The following SRGAP1 variants were observed in gnomAD, a reference collection of about 807,000 sequenced individuals.
The protein encoded by SRGAP1 is SLIT-ROBO Rho GTPase-activating protein 1.
Under a neutral mutation model 121.9 loss-of-function variants are expected in SRGAP1, and 43 were observed. The observed-to-expected ratio is 0.35, with a 90% CI of 0.28 to 0.46. The LOEUF (loss-of-function observed/expected upper bound fraction) is 0.46, where lower values mean the gene tolerates loss of function less well. Ranked by LOEUF, SRGAP1 falls within the 20% of genes least tolerant of loss-of-function variation. The probability of loss-of-function intolerance (pLI) is 1.00; values close to 1 mark genes in which losing one functional copy is unlikely to be tolerated. For missense variants in SRGAP1, 1,102 were observed against 1,350.9 expected, an observed-to-expected ratio of 0.82 and a Z score of 2.89; for synonymous variants, 447 against 485.4, an observed-to-expected ratio of 0.92 and a Z score of 1.04.
At chr12:64,127,525 T>C (rs1392790656) in intron 19 of SRGAP1, 65 bp from the exon 20 acceptor site, 9 of 1,506,862 alleles carry the variant, frequency 6.0e-6, no homozygotes, top group Non-Finnish European at 8.1e-6. Flanking sequence ...TCTCCACTCA[T>C]CTAGCAAATT....
At position 64,157,918 on chromosome 12, in the gene SRGAP1, C is replaced by T. The variant is rs561822266; in HGVS notation, c.*15246C>T. The T allele has an allele frequency of 6.6e-6, 1 of 152,166 alleles. No individual in the cohort carries two copies. Among genetic ancestry groups the T allele is most frequent in the Non-Finnish European group, 1.5e-5 (1 of 68,086 alleles). 9.4% of individuals were successfully genotyped at this position (152,166 alleles called of 1,614,324 possible). A position where few individuals can be genotyped will look rare whatever the true frequency, so the allele number is the denominator to read the frequency against. ...CCTTCCATTTTTTTTGTTGCTGCCA[C>T]CTTAGTACGTGGCCACCATGAAGAG... On this transcript the variant is annotated 3_prime_UTR_variant, in exon 22 of 22. Coordinates refer to ENST00000355086, the MANE Select transcript of SRGAP1 (RefSeq NM_020762.4).
chr12:63,850,504 C>T (rs1384094128), intron 1 of SRGAP1, among the ~76,000 whole-genome samples: 1 of 151,360 alleles, frequency 6.6e-6, no homozygotes, highest in African/African-American at 2.4e-5. Flanking sequence ...GAACAAGGCT[C>T]ACTGCAGCCT....
intron 1 of SRGAP1, among the ~76,000 whole-genome samples, chr12:63,974,047 G>A (rs1318553852): frequency 6.6e-6 from 1 of 152,034 alleles, no homozygotes; most frequent in African/African-American, 2.4e-5. Context: ...TACTAATAAG[G>A]TCTGAAATGT....
intron 2 of SRGAP1, among the ~76,000 whole-genome samples, chr12:63,987,773 G>T (rs1593008450): frequency 6.6e-6 from 1 of 152,080 alleles, no homozygotes; most frequent in East Asian, 1.9e-4. Flanking sequence ...TGCCTCAAAT[G>T]GTAGTAATAA....
chr12:64,104,917 A>T (rs969486910), intron 15 of SRGAP1, among the ~76,000 whole-genome samples: 22 of 149,594 alleles, frequency 1.5e-4, no homozygotes, highest in African/African-American at 4.0e-4. Flanking sequence ...ATATATAAAA[A>T]ATATAAAATT....
At chr12:63,980,358 G>T (rs2136403647) in intron 1 of SRGAP1, among the ~76,000 whole-genome samples, 1 of 152,252 alleles carries the variant, frequency 6.6e-6, no homozygotes, top group East Asian at 1.9e-4. Flanking sequence ...ATGGCCCTTT[G>T]ATCTGTTCCG....
chr12:63,910,014 A>C (rs2030416932), intron 1 of SRGAP1, among the ~76,000 whole-genome samples: 1 of 152,252 alleles, frequency 6.6e-6, no homozygotes, highest in Non-Finnish European at 1.5e-5. Flanking sequence ...AGCAACATCT[A>C]AATTAGTGTC....
chr12:63,922,465 T>G (rs565555325), intron 1 of SRGAP1, among the ~76,000 whole-genome samples: 182 of 152,270 alleles, frequency 1.2e-3, no homozygotes, highest in African/African-American at 4.1e-3. Flanking sequence ...GTCAATGAAG[T>G]TTCTCTTTAC....
At chr12:63,891,376 C>G (rs566460260) in intron 1 of SRGAP1, among the ~76,000 whole-genome samples, 41 of 152,318 alleles carry the variant, frequency 2.7e-4, no homozygotes. Flanking sequence ...CCTACCATCT[C>G]CACACCATGC....
chr12:64,032,267 A>C (rs1335062779), intron 4 of SRGAP1: 1 of 269,622 alleles, frequency 3.7e-6, no homozygotes, highest in Admixed American at 5.1e-5. Context: ...GCTCCTTCCC[A>C]CTGCAAAGGG....
intron 3 of SRGAP1, among the ~76,000 whole-genome samples, chr12:64,013,972 C>G (rs74576316): frequency 0.026 from 3,970 of 152,226 alleles, 178 homozygotes; most frequent in African/African-American, 0.091. Flanking sequence ...CAAGAAAGGA[C>G]AAGGTGATGT....
intron 1 of SRGAP1, among the ~76,000 whole-genome samples, chr12:63,956,404 G>C (rs912875471): frequency 1.6e-4 from 24 of 152,158 alleles, no homozygotes; most frequent in African/African-American, 5.3e-4. Context: ...ATAGGCACTA[G>C]GTAGAATGTC....
chr12:63,990,720 T>C (rs2136419037), intron 3 of SRGAP1, among the ~76,000 whole-genome samples: 1 of 152,324 alleles, frequency 6.6e-6, no homozygotes, highest in African/African-American at 2.4e-5. Context: ...GGACTACCTG[T>C]ACTCATGAAA....
chr12:64,017,998 ATATTT>A (rs1370030893), intron 4 of SRGAP1, among the ~76,000 whole-genome samples: 4 of 152,178 alleles, frequency 2.6e-5, no homozygotes, highest in South Asian at 2.1e-4. Context: ...CTTTTGGGGG[ATATTT>A]TATTTTAAGA....
intron 12 of SRGAP1, 53 bp from the exon 13 acceptor site, chr12:64,094,879 G>C: frequency 6.8e-7 from 1 of 1,475,548 alleles, no homozygotes; most frequent in South Asian, 1.2e-5. Flanking sequence ...TTATTATTAT[G>C]AGGCATTTAT....
intron 3 of SRGAP1, among the ~76,000 whole-genome samples, chr12:64,007,388 G>C (rs989160920): frequency 5.3e-5 from 8 of 152,118 alleles, no homozygotes; most frequent in Non-Finnish European, 1.5e-5. Flanking sequence ...GTTCACAGTA[G>C]GGTTTGTGCT....
In SRGAP1 at chr12:64,044,655, T is replaced by C. The variant is rs576379504; in HGVS notation, c.801+1080T>C. 1.4e-4 allele frequency among the ~76,000 whole-genome samples: 21 copies of C among 148,706 alleles called. No homozygotes were observed. In the South Asian group the frequency reaches 4.3e-3, roughly 30 times the overall value. The stretch of plus-strand genomic sequence containing the variant: ...AGGGAAGGAATTATTTTTTAGCTTA[T>C]TAACACTCTGATGTGCCTCTTTTTT... On this transcript the variant is annotated intron_variant, in intron 6 of 21. Coordinates refer to ENST00000355086, the MANE Select transcript of SRGAP1 (RefSeq NM_020762.4).
intron 1 of SRGAP1, among the ~76,000 whole-genome samples, chr12:63,883,267 G>A (rs1900254504): frequency 6.6e-6 from 1 of 152,192 alleles, no homozygotes; most frequent in Non-Finnish European, 1.5e-5. Context: ...TGTTTCAGTT[G>A]GTCCTGCCCT....
chr12:64,138,149 C>T (rs2036889498), intron 21 of SRGAP1, among the ~76,000 whole-genome samples: 1 of 151,950 alleles, frequency 6.6e-6, no homozygotes, highest in African/African-American at 2.4e-5. Context: ...CTGACAACCA[C>T]CATTCTACTT....
Sources: allele counts gnomAD v4.1 joint callset (sites outside exome capture counted in the v4.1 genomes callset), GRCh38; gene constraint gnomAD v4.1.1; transcripts MANE v1.5; gene names NCBI Gene and HGNC (gene_info 2026-07-23, HGNC 2026-07-21).